The following FMN2 variants were observed in gnomAD, a reference collection of about 807,000 sequenced individuals.
FMN2 encodes the protein formin 2, also known as formin-2.
FMN2 carries 51 observed loss-of-function variants against 142.3 expected under a neutral mutation model. The observed-to-expected ratio is 0.36, with a 90% CI of 0.29 to 0.45. FMN2 has a LOEUF of 0.45. FMN2 is among the 20% of genes least tolerant of loss of function. The probability of loss-of-function intolerance (pLI) is 1.00; values close to 1 mark genes in which losing one functional copy is unlikely to be tolerated. For synonymous variants in FMN2, 882 were observed against 869.8 expected, an observed-to-expected ratio of 1.01 and a Z score of -0.25; for missense variants, 1,936 against 2,122.8, an observed-to-expected ratio of 0.91 and a Z score of 1.73.
chr1:240,174,943 A>C (rs950505583), intron 2 of FMN2, among the ~76,000 whole-genome samples: 4 of 152,174 alleles, frequency 2.6e-5, no homozygotes, highest in Non-Finnish European at 5.9e-5. Flanking sequence ...TTCTTCTTGC[A>C]AAACTGAAAG....
intron 11 of FMN2, 60 bp from the exon 12 acceptor site, chr1:240,333,827 A>G (rs528488903): frequency 4.6e-6 from 6 of 1,306,482 alleles, no homozygotes; most frequent in East Asian, 2.5e-5. Context: ...TTTTTTGGTA[A>G]CACTTTATAT....
At chr1:240,360,560 G>A (rs1672427637) in intron 14 of FMN2, among the ~76,000 whole-genome samples, 1 of 152,150 alleles carries the variant, frequency 6.6e-6, no homozygotes, top group African/African-American at 2.4e-5. Flanking sequence ...ATCTTACAGA[G>A]TGTGAAACCA....
chr1:240,336,151 A>G (rs1298536275), intron 13 of FMN2, among the ~76,000 whole-genome samples: 7 of 152,064 alleles, frequency 4.6e-5, no homozygotes, highest in African/African-American at 1.7e-4. Flanking sequence ...CTCAAAAATA[A>G]ATAAATAAAT....
At chr1:240,388,885 G>T (rs573255389) in intron 14 of FMN2, among the ~76,000 whole-genome samples, 3 of 150,784 alleles carry the variant, frequency 2.0e-5, no homozygotes, top group Non-Finnish European at 4.4e-5. Context: ...AAAGGGGGGG[G>T]GTCAAGCATT....
At chr1:240,185,105 C>G (rs1435619585) in intron 3 of FMN2, among the ~76,000 whole-genome samples, 5 of 144,834 alleles carry the variant, frequency 3.5e-5, no homozygotes, top group African/African-American at 1.3e-4. Flanking sequence ...TTCTCTTTCT[C>G]CCTCCTATAC....
At chr1:240,397,774 A>G (rs1444493212) in intron 15 of FMN2, among the ~76,000 whole-genome samples, 1 of 124,438 alleles carries the variant, frequency 8.0e-6, no homozygotes. Context: ...CAGGCAACAT[A>G]GACTCCTTCT....
intron 7 of FMN2, among the ~76,000 whole-genome samples, chr1:240,267,331 G>C: frequency 6.6e-6 from 1 of 152,082 alleles, no homozygotes; most frequent in Non-Finnish European, 1.5e-5. Flanking sequence ...CATGTCCTTT[G>C]CAGGGACATG....
chr1:240,098,743 T>C (rs1334593717), intron 1 of FMN2, among the ~76,000 whole-genome samples: 1 of 152,188 alleles, frequency 6.6e-6, no homozygotes, highest in Non-Finnish European at 1.5e-5. Flanking sequence ...ATGGTTTCTT[T>C]AGGCCTGTGG....
intron 2 of FMN2, among the ~76,000 whole-genome samples, chr1:240,141,227 G>A (rs756872674): frequency 1.3e-5 from 2 of 152,038 alleles, no homozygotes; most frequent in Non-Finnish European, 2.9e-5. Flanking sequence ...AAGATGTCAG[G>A]GATACTTTTA....
chr1:240,240,256 C>CT (rs1459839279), intron 6 of FMN2, among the ~76,000 whole-genome samples: 1 of 152,058 alleles, frequency 6.6e-6, no homozygotes, highest in Admixed American at 6.6e-5. Context: ...AGCTCTGCCA[C>CT]TTTATGGATA....
At chr1:240,138,049 A>G (rs1284112612) in intron 2 of FMN2, among the ~76,000 whole-genome samples, 2 of 144,096 alleles carry the variant, frequency 1.4e-5, no homozygotes, top group African/African-American at 5.2e-5. Context: ...TGGGTGATAG[A>G]GCAAGACTCC....
chr1:240,219,434 G>A (rs1667022899), intron 6 of FMN2, among the ~76,000 whole-genome samples: 3 of 152,052 alleles, frequency 2.0e-5, no homozygotes, highest in African/African-American at 7.2e-5. Flanking sequence ...AGGGATGCTG[G>A]TGATGACACT....
At chr1:240,385,776 A>T (rs1292095674) in intron 14 of FMN2, among the ~76,000 whole-genome samples, 1 of 152,214 alleles carries the variant, frequency 6.6e-6, no homozygotes, top group African/African-American at 2.4e-5. Flanking sequence ...AGCCACATAT[A>T]GAATTTTTAA....
intron 2 of FMN2, among the ~76,000 whole-genome samples, chr1:240,148,311 G>C (rs377473522): frequency 4.6e-5 from 2 of 43,424 alleles, no homozygotes; most frequent in Non-Finnish European, 1.2e-4. Context: ...GAGAGAGAGA[G>C]ACAGACAGAA....
chr1:240,408,677 G>A (rs1489744012), intron 15 of FMN2, among the ~76,000 whole-genome samples: 1 of 152,020 alleles, frequency 6.6e-6, no homozygotes, highest in Non-Finnish European at 1.5e-5. Context: ...AAGTATGGAT[G>A]CATTAAAATA....
intron 16 of FMN2, among the ~76,000 whole-genome samples, chr1:240,439,869 A>G (rs1675549514): frequency 6.6e-6 from 1 of 152,192 alleles, no homozygotes; most frequent in African/African-American, 2.4e-5. Flanking sequence ...ACTTCCCTTC[A>G]TGCCCTTCCC....
At chr1:240,254,864 G>C (rs1341314070) in intron 6 of FMN2, among the ~76,000 whole-genome samples, 3 of 152,152 alleles carry the variant, frequency 2.0e-5, no homozygotes, top group Admixed American at 2.0e-4. Context: ...TTGGGCCCCA[G>C]GCCAGGATGC....
At chr1:240,416,288 T>C (rs989400389) in intron 15 of FMN2, among the ~76,000 whole-genome samples, 3 of 134,364 alleles carry the variant, frequency 2.2e-5, no homozygotes, top group Non-Finnish European at 4.6e-5. Flanking sequence ...TGAGACGGAG[T>C]CTTGCTCTGT....
chr1:240,153,385 GTTT>G (rs58725251), intron 2 of FMN2, among the ~76,000 whole-genome samples: 1 of 124,320 alleles, frequency 8.0e-6, no homozygotes. Context: ...TGTATTTACA[GTTT>G]TTTTTTTTTT....
Sources: gnomAD v4.1 joint callset for allele counts (sites outside exome capture counted in the v4.1 genomes callset) on GRCh38, gnomAD v4.1.1 for gene constraint, MANE v1.5 for transcripts, NCBI Gene and HGNC (gene_info 2026-07-23, HGNC 2026-07-21) for gene names.